Variants in HEATR5A observed in about 807,000 individuals in gnomAD.
HEATR5A encodes the protein HEAT repeat containing 5A, also known as HEAT repeat-containing protein 5A.
HEATR5A carries 178 observed loss-of-function variants against 218.8 expected under a neutral mutation model. That is an observed-to-expected ratio of 0.81 (90% CI 0.72 to 0.92). HEATR5A has a LOEUF of 0.92. Among genes scored for constraint, HEATR5A ranks in the 40% least tolerant of loss-of-function variants. The pLI is 0.00. For synonymous variants in HEATR5A, 864 were observed against 871.6 expected (o/e 0.99, Z 0.15); for missense variants, 2,420 against 2,418.9 (o/e 1.00, Z -0.01).
intron 6 of HEATR5A, among the ~76,000 whole-genome samples, chr14:31,390,776 T>C (rs2030421420): frequency 6.6e-6 from 1 of 152,244 alleles, no homozygotes. Flanking sequence ...AAGTACATAA[T>C]ACTTGATAAT....
At chr14:31,358,412 T>C (rs181269915) in intron 16 of HEATR5A, among the ~76,000 whole-genome samples, 4 of 152,332 alleles carry the variant, frequency 2.6e-5, no homozygotes, top group East Asian at 3.9e-4. Context: ...TTCAGCTAGA[T>C]GATAAGCTGT....
intron 22 of HEATR5A, among the ~76,000 whole-genome samples, chr14:31,326,882 C>T (rs748216270): frequency 6.6e-6 from 1 of 151,802 alleles, no homozygotes; most frequent in East Asian, 1.9e-4. Context: ...TGACCTGAGG[C>T]GATCCACCCA....
intron 1 of HEATR5A, among the ~76,000 whole-genome samples, chr14:31,416,315 T>C (rs2031446543): frequency 6.6e-6 from 1 of 151,948 alleles, no homozygotes; most frequent in Non-Finnish European, 1.5e-5. Context: ...AGAGACGGGG[T>C]TTCACCCTGT....
In HEATR5A at chr14:31,340,300, C is replaced by T. The variant is rs191678667; in HGVS notation, c.3229-2686G>A. The T allele has an allele frequency of 1.8e-3, 572 of 310,876 alleles. 3 individuals are homozygous for T. Among genetic ancestry groups the T allele is most frequent in the Non-Finnish European group, 2.9e-3 (474 of 162,392 alleles). 19.3% of individuals were successfully genotyped at this position (310,876 alleles called of 1,614,324 possible). A position where few individuals can be genotyped will look rare whatever the true frequency, so the allele number is the denominator to read the frequency against. The stretch of plus-strand genomic sequence containing the variant: ...TTATACTGGTATCAAATAAACACCA[C>T]GAAACATGCTACACATACTGGACTT... On this transcript the variant is annotated intron_variant, in intron 21 of 35. Transcript: ENST00000543095.
intron 2 of HEATR5A, among the ~76,000 whole-genome samples, 172 bp downstream of exon 2, chr14:31,402,675 CTAA>C (rs2139308301): frequency 6.6e-6 from 1 of 152,236 alleles, no homozygotes; most frequent in South Asian, 2.1e-4. Context: ...AAAACTTCTT[CTAA>C]TAATAAAAAT....
rs142550590 is a variant in HEATR5A, at chr14:31,381,189, A to G, written c.1597-611T>C. On this transcript the variant is annotated intron_variant, in intron 10 of 35. Transcript: ENST00000543095. ...CTTGAACCCAGGAGGCAGAGGTTGT[A>G]GTGAGCTGAGATTATGCCACTGAAA... 2.0e-5 allele frequency among the ~76,000 whole-genome samples: 3 copies of G among 152,330 alleles called. No individual in the cohort carries two copies. The East Asian group carries it at 5.8e-4, about 29-fold the overall frequency.
At chr14:31,407,626 A>ATATATT (rs2031127855) in intron 1 of HEATR5A, among the ~76,000 whole-genome samples, 1 of 21,784 alleles carries the variant, frequency 4.6e-5, no homozygotes, top group African/African-American at 1.4e-4. Context: ...ATATATATAT[A>ATATATT]TATATATATA....
At position 31,387,276 on chromosome 14, in the gene HEATR5A, G is replaced by A. The variant is rs752181344; in HGVS notation, c.1033C>T (p.Pro345Ser). The A allele has an allele frequency of 6.2e-7, 1 of 1,613,930 alleles. No individual in the cohort carries two copies. Among genetic ancestry groups the A allele is most frequent in the Non-Finnish European group, 8.5e-7 (1 of 1,179,882 alleles). ...HILSLASPSH[P>S]KATQTQIDAV... ...TCGATCTGAGTTTGGGTGGCTTTAG[G>A]GTGTGACGGTGACGCAAGGCTTAGG... Residue 345 changes from proline (P) to serine (S), a missense_variant, in exon 8 of 36, where the codon CCT becomes TCT. Transcript: ENST00000543095.
intron 22 of HEATR5A, among the ~76,000 whole-genome samples, chr14:31,332,953 T>C (rs1355848183): frequency 6.8e-6 from 1 of 147,194 alleles, no homozygotes; most frequent in African/African-American, 2.5e-5. Context: ...GCCACTGCAC[T>C]CCAGCCTGGG....
chr14:31,370,432 G>C (rs891977882), intron 13 of HEATR5A, among the ~76,000 whole-genome samples: 2 of 152,168 alleles, frequency 1.3e-5, no homozygotes, highest in African/African-American at 4.8e-5. Context: ...TTACCTATTG[G>C]ATGGGGTAGA....
At chr14:31,344,565 A>G (rs962058010) in intron 20 of HEATR5A, among the ~76,000 whole-genome samples, 9 of 148,686 alleles carry the variant, frequency 6.1e-5, no homozygotes, top group Non-Finnish European at 1.0e-4. Flanking sequence ...TTACAGGTGA[A>G]AGCCACTGCG....
At chr14:31,365,121 C>T (rs1321292107) in intron 13 of HEATR5A, among the ~76,000 whole-genome samples, 28 of 152,218 alleles carry the variant, frequency 1.8e-4, no homozygotes, top group Non-Finnish European at 1.0e-4. Flanking sequence ...GATCCACCCA[C>T]CTCAGCCTCC....
chr14:31,301,462 C>G (rs775282706), intron 33 of HEATR5A, among the ~76,000 whole-genome samples: 23 of 152,118 alleles, frequency 1.5e-4, no homozygotes, highest in Non-Finnish European at 3.2e-4. Flanking sequence ...TACTGGCTAT[C>G]ATTTATTGAT....
At chr14:31,378,206 T>C (rs1410034926) in intron 11 of HEATR5A, among the ~76,000 whole-genome samples, 1 of 152,190 alleles carries the variant, frequency 6.6e-6, no homozygotes, top group East Asian at 1.9e-4. Context: ...TTTGAGGCTT[T>C]GAGAGCCACA....
At chr14:31,294,393 A>G (rs1269908828) in intron 34 of HEATR5A, among the ~76,000 whole-genome samples, 1 of 150,152 alleles carries the variant, frequency 6.7e-6, no homozygotes, top group Non-Finnish European at 1.5e-5. Context: ...TCTATAATGT[A>G]AAAAACAAAA....
intron 16 of HEATR5A, among the ~76,000 whole-genome samples, chr14:31,352,963 A>AAAAAAT (rs58756564): frequency 0.82 from 121,047 of 147,454 alleles, 51,187 homozygotes; most frequent in Non-Finnish European, 0.93. Flanking sequence ...CTCCAAAAAT[A>AAAAAAT]AAAAATAAAA....
At chr14:31,389,056 T>C in intron 6 of HEATR5A, 51 bp from the exon 7 acceptor site, 1 of 1,455,076 alleles carries the variant, frequency 6.9e-7, no homozygotes, top group South Asian at 1.2e-5. Context: ...TAAATTTTAA[T>C]GTAAGTTCTT....
rs1434834908 is a variant in HEATR5A, at chr14:31,345,135, C to T, written c.3010G>A (p.Gly1004Ser). Reference protein sequence around the residue: ...PTHAEVHQSLGRCLNALITTL... With the variant: ...PTHAEVHQSLSRCLNALITTL... ...GTAATAAGGGCATTCAAACAGCGACCAAGGCTTTGGTGAACTTCAGCATGA... is the reference window on the plus strand; with the variant it reads ...GTAATAAGGGCATTCAAACAGCGACTAAGGCTTTGGTGAACTTCAGCATGA... The change falls in exon 20 of 36, where the codon GGT becomes AGT. Residue 1004 changes from glycine (G) to serine (S), a missense_variant. Gly to Ser is a moderately conservative substitution (Grantham distance 56). Transcript: ENST00000543095. 6.2e-7 allele frequency: 1 copy of T among 1,613,888 alleles called. No homozygotes were observed. Among genetic ancestry groups the T allele is most frequent in the South Asian group, 1.1e-5 (1 of 91,070 alleles).
chr14:31,338,290 C>G (rs1469611747), intron 21 of HEATR5A, among the ~76,000 whole-genome samples: 1 of 152,082 alleles, frequency 6.6e-6, no homozygotes, highest in Non-Finnish European at 1.5e-5. Context: ...GGTCTTTTAA[C>G]AATAATATTT....
Sources: allele counts gnomAD v4.1 joint callset (sites outside exome capture counted in the v4.1 genomes callset), GRCh38; gene constraint gnomAD v4.1.1; transcripts MANE v1.5; gene names NCBI Gene and HGNC (gene_info 2026-07-23, HGNC 2026-07-21).